The following RAI14 variants were observed in gnomAD, a reference collection of about 807,000 sequenced individuals.
RAI14 encodes retinoic acid induced 14.
In RAI14, 45 loss-of-function variants were observed where a neutral mutation model predicts 115.4. The observed-to-expected ratio is 0.39, with a 90% CI of 0.31 to 0.50. The LOEUF (loss-of-function observed/expected upper bound fraction) is 0.50. Ranked by LOEUF, RAI14 falls within the 20% of genes least tolerant of loss-of-function variation. The pLI, the probability that RAI14 is intolerant of heterozygous loss-of-function variation, is 0.85. For synonymous variants in RAI14, 371 were observed against 415.4 expected (o/e 0.89, Z 1.30); for missense variants, 939 against 1,131.2 (o/e 0.83, Z 2.44).
rs115551482 is a variant in RAI14 at position 34,747,973 on chromosome 5, A to G, written c.37-9495A>G. ...ATTACAACCATGCCAAGGCCTATGG[A>G]AGAGAGCATGGGGGACCCCAGCAAA... On this transcript the variant is annotated intron_variant, in intron 2 of 17. Transcript: ENST00000265109. 3.6e-3 allele frequency among the ~76,000 whole-genome samples: 544 copies of G among 152,316 alleles called. 5 individuals carry two copies. Among genetic ancestry groups the G allele is most frequent in the African/African-American group, 0.012 (502 of 41,574 alleles).
chr5:34,752,706 TG>T (rs1747218684), intron 2 of RAI14, among the ~76,000 whole-genome samples: 1 of 38,182 alleles, frequency 2.6e-5, no homozygotes, highest in Non-Finnish European at 4.8e-5. Context: ...TACATATATG[TG>T]TGTGTGTGTG....
intron 3 of RAI14, among the ~76,000 whole-genome samples, chr5:34,778,295 G>A (rs762166164): frequency 3.1e-4 from 47 of 152,170 alleles, no homozygotes; most frequent in Admixed American, 1.3e-4. Context: ...GATTTGGAGT[G>A]GTGCCTGAGA....
chr5:34,813,300 G>A lies in RAI14; in HGVS notation c.766-274G>A, dbSNP rs556489278. Among the ~76,000 whole-genome samples the A allele has an allele frequency of 3.3e-5, 5 of 152,294 alleles. No individual in the cohort carries two copies. The South Asian group carries it at 8.3e-4, about 25-fold the overall frequency. On this transcript the variant is annotated intron_variant, in intron 10 of 17. Coordinates refer to ENST00000265109, the MANE Select transcript of RAI14 (RefSeq NM_015577.3). ...GTATTCTGGATTCTAAGTTGTAGTA[G>A]ACCTCAACCTCTACTTTCCCAGTTC...
chr5:34,750,485 C>T lies in RAI14; in HGVS notation c.37-6983C>T, dbSNP rs73074511. On this transcript the variant is annotated intron_variant, in intron 2 of 17. Transcript: ENST00000265109. The stretch of plus-strand genomic sequence containing the variant: ...GCGCCACTCTGCCTTTTTTTTTAAG[C>T]GACGAGGAAACAGCAAGTGAGACTG... Among the ~76,000 whole-genome samples, 1,201 of 151,902 alleles carry T rather than the reference C, an allele frequency of 7.9e-3. 19 individuals are homozygous for T. Among genetic ancestry groups the T allele is most frequent in the African/African-American group, 0.028 (1,155 of 41,428 alleles).
At chr5:34,693,649 C>T (rs1271891120) in intron 2 of RAI14, among the ~76,000 whole-genome samples, 1 of 152,198 alleles carries the variant, frequency 6.6e-6, no homozygotes, top group East Asian at 1.9e-4. Context: ...GCCAAAGTCG[C>T]ACATTTGGTA....
intron 10 of RAI14, among the ~76,000 whole-genome samples, 185 bp downstream of exon 10, chr5:34,812,393 C>T (rs536993688): frequency 6.6e-5 from 10 of 152,236 alleles, no homozygotes; most frequent in Admixed American, 2.0e-4. Context: ...CAGGCCGGGC[C>T]GGTGGCTCAC....
intron 7 of RAI14, among the ~76,000 whole-genome samples, chr5:34,809,434 T>A (rs558027201): frequency 6.6e-6 from 1 of 152,318 alleles, no homozygotes; most frequent in East Asian, 1.9e-4. Context: ...GGCTGAAGAT[T>A]CATTTGATGA....
intron 2 of RAI14, among the ~76,000 whole-genome samples, chr5:34,739,103 A>C (rs534058155): frequency 6.6e-6 from 1 of 152,232 alleles, no homozygotes; most frequent in Non-Finnish European, 1.5e-5. Flanking sequence ...GCTATTCAAA[A>C]TAACGGAGTG....
At chr5:34,705,082 C>T (rs974195395) in intron 2 of RAI14, among the ~76,000 whole-genome samples, 4 of 152,144 alleles carry the variant, frequency 2.6e-5, no homozygotes, top group African/African-American at 7.2e-5. Flanking sequence ...ACACATGCCA[C>T]CATGCCTGGC....
At chr5:34,713,827 A>T (rs1001645787) in intron 2 of RAI14, among the ~76,000 whole-genome samples, 3 of 151,918 alleles carry the variant, frequency 2.0e-5, no homozygotes, top group African/African-American at 7.3e-5. Flanking sequence ...TTTTTTTGAG[A>T]TGGAGTCTCG....
intron 4 of RAI14, among the ~76,000 whole-genome samples, chr5:34,803,032 T>A (rs1754458279): frequency 1.3e-5 from 2 of 152,188 alleles, no homozygotes; most frequent in African/African-American, 4.8e-5. Context: ...TTCCTCAGCC[T>A]GTGGTGGGCA....
intron 2 of RAI14, among the ~76,000 whole-genome samples, chr5:34,752,018 T>C (rs1318514300): frequency 6.6e-6 from 1 of 152,020 alleles, no homozygotes; most frequent in Non-Finnish European, 1.5e-5. Context: ...GGGGTCAGAG[T>C]CTGCTAGATG....
rs1554054172 is a variant in RAI14 at position 34,764,570 on chromosome 5, T to TCTCTCA, written c.167+6973_167+6974insTCTCAC. ...CTCTCTCTCTCTCTCTCTCTCTCTC[T>TCTCTCA]CACACACAAATACATCCCTGTATAC... is the stretch of plus-strand genomic sequence containing the variant. On this transcript the variant is annotated intron_variant, in intron 3 of 17. Transcript: ENST00000265109. 1.1e-4 allele frequency among the ~76,000 whole-genome samples: 17 copies of TCTCTCA among 150,348 alleles called. No individual in the cohort carries two copies. In the East Asian group the frequency reaches 1.8e-3, roughly 16 times the overall value.
intron 2 of RAI14, among the ~76,000 whole-genome samples, chr5:34,736,293 C>T (rs1744870602): frequency 6.6e-6 from 1 of 152,158 alleles, no homozygotes; most frequent in Admixed American, 6.5e-5. Context: ...CCCAGCTACT[C>T]AGGAGCTGAG....
chr5:34,764,927 C>T (rs1007178576), intron 3 of RAI14, among the ~76,000 whole-genome samples: 1 of 152,068 alleles, frequency 6.6e-6, no homozygotes, highest in Non-Finnish European at 1.5e-5. Context: ...TGGGAGGGAC[C>T]TGGTGGGAGA....
chr5:34,811,993 T>C, intron 9 of RAI14, 48 bp downstream of exon 9: 1 of 1,482,548 alleles, frequency 6.7e-7, no homozygotes, highest in Non-Finnish European at 9.3e-7. Flanking sequence ...ATCCACTCCA[T>C]TTTCCCCAAA....
rs1742334390 is a variant in RAI14, at chr5:34,657,149, G to C, written c.-49+674G>C. ...CGGGGAGAACGGATGCTGGAGTTGG[G>C]GCAGACTCGGGGCCGCCGGGACTTC... On this transcript the variant is annotated intron_variant, in intron 1 of 17. Transcript: ENST00000265109. The C allele has an allele frequency of 2.0e-5, 3 of 152,200 alleles. No homozygotes were observed. The South Asian group carries it at 6.2e-4, about 32-fold the overall frequency. 9.4% of individuals were successfully genotyped at this position (152,200 alleles called of 1,614,324 possible).
At chr5:34,807,774 T>C in intron 5 of RAI14, 26 bp from the exon 6 acceptor site, 1 of 1,554,176 alleles carries the variant, frequency 6.4e-7, no homozygotes, top group Non-Finnish European at 8.9e-7. Context: ...TTTTATTATA[T>C]GGATGTATTT....
At chr5:34,795,137 A>G (rs1411557278) in intron 3 of RAI14, among the ~76,000 whole-genome samples, 1 of 152,192 alleles carries the variant, frequency 6.6e-6, no homozygotes, top group Non-Finnish European at 1.5e-5. Context: ...AGTGCCCTTC[A>G]TCCCGGGATC....
Sources: allele counts gnomAD v4.1 joint callset (sites outside exome capture counted in the v4.1 genomes callset), GRCh38; gene constraint gnomAD v4.1.1; transcripts MANE v1.5; gene names NCBI Gene and HGNC (gene_info 2026-07-23, HGNC 2026-07-21).